RUNX1: variants seen among roughly 807,000 people sequenced by gnomAD.
RUNX1 encodes runt-related transcription factor 1.
A neutral mutation model predicts 42.8 loss-of-function variants in RUNX1; 19 were observed. The observed-to-expected ratio is 0.44, with a 90% confidence interval of 0.31 to 0.65. The LOEUF (loss-of-function observed/expected upper bound fraction) is 0.65, where lower values mean the gene tolerates loss of function less well. Among genes scored for constraint, RUNX1 ranks in the 30% least tolerant of loss-of-function variants. RUNX1 has a pLI of 0.07. For missense variants in RUNX1, 528 were observed against 672.0 expected, an observed-to-expected ratio of 0.79 and a Z score of 2.37; for synonymous variants, 271 against 289.4, an observed-to-expected ratio of 0.94 and a Z score of 0.64.
intron 6 of RUNX1, among the ~76,000 whole-genome samples, chr21:34,838,438 A>G (rs2057181403): frequency 1.3e-5 from 2 of 152,240 alleles, no homozygotes; most frequent in Admixed American, 6.5e-5. Context: ...GACTGTCATG[A>G]TGAGCCGTTG....
intron 5 of RUNX1, among the ~76,000 whole-genome samples, chr21:34,878,344 TAA>T (rs58465528): frequency 0.1 from 12,287 of 122,658 alleles, 607 homozygotes; most frequent in South Asian, 0.14. Context: ...TAGCGCTGAC[TAA>T]AAAAAAAAAA....
rs192156169 is a variant in RUNX1, at chr21:34,998,662, C to T, written c.58+50180G>A. On this transcript the variant is annotated intron_variant, in intron 2 of 8. Coordinates refer to ENST00000675419, the MANE Select transcript of RUNX1 (RefSeq NM_001754.5). ...GTTCACGCCATTCTCCTGCCTCAGC[C>T]TCCCGAGTAGCTGGGACTACAGGCA... Among the ~76,000 whole-genome samples the T allele has an allele frequency of 8.3e-3, 1,257 of 152,252 alleles. 20 individuals carry two copies. Among genetic ancestry groups the T allele is most frequent in the African/African-American group, 0.028 (1,144 of 41,544 alleles).
intron 3 of RUNX1, among the ~76,000 whole-genome samples, chr21:34,890,938 C>A (rs978001683): frequency 1.3e-5 from 2 of 152,158 alleles, no homozygotes; most frequent in African/African-American, 4.8e-5. Flanking sequence ...GGGCCACCCC[C>A]ACGTGCATCC....
chr21:34,849,380 C>CTAATT, intron 6 of RUNX1, among the ~76,000 whole-genome samples: 1 of 27,440 alleles, frequency 3.6e-5, no homozygotes, highest in South Asian at 9.8e-4. Flanking sequence ...ATACTATATA[C>CTAATT]ATAGTATATA....
At chr21:34,963,715 G>A (rs1400945045) in intron 2 of RUNX1, among the ~76,000 whole-genome samples, 1 of 152,216 alleles carries the variant, frequency 6.6e-6, no homozygotes, top group East Asian at 1.9e-4. Context: ...GAGACAAGAT[G>A]TGGATTTTGA....
At chr21:34,993,308 G>A (rs2058960080) in intron 2 of RUNX1, among the ~76,000 whole-genome samples, 2 of 152,256 alleles carry the variant, frequency 1.3e-5, no homozygotes, top group Non-Finnish European at 2.9e-5. Context: ...AAGGTAAGAT[G>A]TAGGGTAGAA....
rs2059046409 is a variant in RUNX1, at chr21:35,001,789, T to C, written c.58+47053A>G. On this transcript the variant is annotated intron_variant, in intron 2 of 8. Transcript: ENST00000675419. ...AAATCTGTTCGATATAATAAGTGAA[T>C]TCTGCAAGCTTGTAGAATATATAGA... 2.0e-5 allele frequency among the ~76,000 whole-genome samples: 3 copies of C among 152,326 alleles called. No individual in the cohort carries two copies. In the East Asian group the frequency reaches 5.8e-4, roughly 29 times the overall value.
intron 7 of RUNX1, among the ~76,000 whole-genome samples, chr21:34,823,467 G>A (rs1292627180): frequency 3.6e-5 from 3 of 82,970 alleles, no homozygotes; most frequent in Non-Finnish European, 6.1e-5. Context: ...TTTTCAGATG[G>A]AGTTTCACTC....
intron 5 of RUNX1, among the ~76,000 whole-genome samples, chr21:34,869,834 G>A (rs1213321470): frequency 6.6e-6 from 1 of 152,102 alleles, no homozygotes; most frequent in African/African-American, 2.4e-5. Flanking sequence ...GTAACCCAGC[G>A]ACAGGACAAA....
chr21:34,875,010 A>C (rs1424408270), intron 5 of RUNX1, among the ~76,000 whole-genome samples: 1 of 152,258 alleles, frequency 6.6e-6, no homozygotes, highest in Non-Finnish European at 1.5e-5. Flanking sequence ...AGAGAAGTAC[A>C]GCTTCTGCCC....
rs2145908333 is a variant in RUNX1, at chr21:34,799,366, G to A, written c.902C>T (p.Pro301Leu). 1 of 1,614,214 alleles carries A rather than the reference G, an allele frequency of 6.2e-7. No homozygotes were observed. The highest frequency in any genetic ancestry group is 1.1e-5 in the South Asian group (1 of 91,090). The change falls in exon 8 of 9, where the codon CCC becomes CTC. Residue 301 changes from proline (P) to leucine (L), a missense_variant. Coordinates refer to ENST00000675419, the MANE Select transcript of RUNX1 (RefSeq NM_001754.5). ...GCCGCTGGCACGTCCAGGTGAAATGGGCGTTGCTGGGTGCACAGAAGGAGA... is the reference window on the plus strand; with the variant it reads ...GCCGCTGGCACGTCCAGGTGAAATGAGCGTTGCTGGGTGCACAGAAGGAGA... ...IASPSVHPAT[P>L]ISPGRASGMT...
intron 6 of RUNX1, among the ~76,000 whole-genome samples, chr21:34,847,309 T>A (rs759101409): frequency 1.6e-4 from 24 of 152,136 alleles, no homozygotes; most frequent in Non-Finnish European, 2.9e-4. Context: ...AAGGTAAAAT[T>A]TCTAAAAGTA....
At chr21:35,033,013 C>A (rs570376840) in intron 2 of RUNX1, among the ~76,000 whole-genome samples, 67 of 152,172 alleles carry the variant, frequency 4.4e-4, no homozygotes, top group Non-Finnish European at 7.5e-4. Flanking sequence ...ATTCATCCAT[C>A]CATCTATCCA....
At chr21:34,835,216 A>G (rs1206011402) in intron 6 of RUNX1, among the ~76,000 whole-genome samples, 2 of 152,028 alleles carry the variant, frequency 1.3e-5, no homozygotes, top group Non-Finnish European at 2.9e-5. Context: ...CTCTCCTCAC[A>G]GGCTTTTCAC....
chr21:34,789,606 A>G lies in RUNX1; in HGVS notation c.*2529T>C, dbSNP rs937784463. 3.1e-5 allele frequency: 7 copies of G among 226,592 alleles called. No individual in the cohort carries two copies. The South Asian group carries it at 5.5e-4, about 18-fold the overall frequency. The allele number at this position is 226,592 out of a possible 1,614,324, so 14.0% of individuals were successfully genotyped here. On this transcript the variant is annotated 3_prime_UTR_variant, in exon 9 of 9. Transcript: ENST00000675419. ...TTTTCACACACACACACACACACGC[A>G]CACACACACACATACAAAAATGTGT...
chr21:35,045,917 C>T (rs1047855317), intron 2 of RUNX1, among the ~76,000 whole-genome samples: 9 of 152,068 alleles, frequency 5.9e-5, no homozygotes, highest in African/African-American at 1.9e-4. Flanking sequence ...GTTCTAGGAA[C>T]GCAGAGGCAT....
At chr21:34,897,462 G>A (rs552187633) in intron 2 of RUNX1, among the ~76,000 whole-genome samples, 113 of 152,298 alleles carry the variant, frequency 7.4e-4, no homozygotes, top group African/African-American at 2.6e-3. Context: ...CATCTTGGAG[G>A]GGGGCAGATC....
intron 5 of RUNX1, among the ~76,000 whole-genome samples, chr21:34,873,200 T>G (rs2057765080): frequency 6.6e-6 from 1 of 152,222 alleles, no homozygotes. Flanking sequence ...AACTGGAGTG[T>G]TTCCACCTCC....
chr21:35,011,829 C>T (rs1424835877), intron 2 of RUNX1, among the ~76,000 whole-genome samples: 1 of 152,156 alleles, frequency 6.6e-6, no homozygotes, highest in Non-Finnish European at 1.5e-5. Flanking sequence ...TTTATGTGGG[C>T]AGTGTTGTTA....
Sources: allele counts gnomAD v4.1 joint callset (sites outside exome capture counted in the v4.1 genomes callset), GRCh38; gene constraint gnomAD v4.1.1; transcripts MANE v1.5; gene names NCBI Gene and HGNC (gene_info 2026-07-23, HGNC 2026-07-21).